The following RTL4 variants were observed in gnomAD, a reference collection of about 807,000 sequenced individuals.
RTL4 encodes retrotransposon Gag like 4.
In RTL4, 4 loss-of-function variants were observed where a neutral mutation model predicts 5.3. The observed-to-expected ratio is 0.75, with a 90% confidence interval of 0.37 to 1.72. The LOEUF (loss-of-function observed/expected upper bound fraction) is 1.72. RTL4 is among the 40% of genes most tolerant of loss of function. RTL4 has a pLI of 0.04. For missense variants in RTL4, 260 were observed against 227.1 expected, an observed-to-expected ratio of 1.14 and a Z score of -0.93; for synonymous variants, 98 against 87.3, an observed-to-expected ratio of 1.12 and a Z score of -0.68.
At chrX:112,247,755 G>T in the RTL4 span, among the ~76,000 whole-genome samples, 3 of 112,127 alleles carry the variant, frequency 2.7e-5, no homozygotes, top group Non-Finnish European at 5.6e-5. Flanking sequence ...AAACAGAGTG[G>T]ATCTGTTCCA....
At chrX:112,336,463 C>T in the RTL4 span, among the ~76,000 whole-genome samples, 4 of 111,786 alleles carry the variant, frequency 3.6e-5, no homozygotes, top group African/African-American at 1.3e-4. Context: ...TCTCACATTC[C>T]TCTTGTTTGA....
the RTL4 span, among the ~76,000 whole-genome samples, chrX:112,337,799 T>A: frequency 1.8e-5 from 2 of 111,180 alleles, no homozygotes; most frequent in African/African-American, 3.3e-5. Context: ...TTTCAGTAGA[T>A]GGCATGTCCT....
At chrX:112,378,827 G>T in the RTL4 span, among the ~76,000 whole-genome samples, 2 of 112,050 alleles carry the variant, frequency 1.8e-5, no homozygotes, top group African/African-American at 6.5e-5. Context: ...AATCCAACCT[G>T]CCAGCAATAG....
At chrX:112,435,117 C>G in the RTL4 span, among the ~76,000 whole-genome samples, 1 of 111,307 alleles carries the variant, frequency 9.0e-6, no homozygotes, top group Non-Finnish European at 1.9e-5. Context: ...TTACCTCCAC[C>G]TGGTCCCATC....
chrX:112,373,198 C>T, the RTL4 span, among the ~76,000 whole-genome samples: 1 of 111,607 alleles, frequency 9.0e-6, no homozygotes, highest in Non-Finnish European at 1.9e-5. Flanking sequence ...TGTATGTATA[C>T]ATTCAACTTT....
chrX:112,298,593 A>G, the RTL4 span, among the ~76,000 whole-genome samples: 1 of 112,461 alleles, frequency 8.9e-6, no homozygotes, highest in Admixed American at 9.4e-5. Flanking sequence ...ACTTGGGTCA[A>G]TAATTGGATA....
chrX:112,180,137 C>T, the RTL4 span, among the ~76,000 whole-genome samples: 3 of 111,146 alleles, frequency 2.7e-5, no homozygotes, highest in Non-Finnish European at 5.6e-5. Flanking sequence ...GACACAGCCC[C>T]TCTTCCACTT....
chrX:112,153,436 T>C, the RTL4 span, among the ~76,000 whole-genome samples: 3 of 112,267 alleles, frequency 2.7e-5, no homozygotes, highest in Non-Finnish European at 5.6e-5. Flanking sequence ...TCAAAGTGAA[T>C]AAATGAAAGT....
chrX:112,296,158 T>G, the RTL4 span, among the ~76,000 whole-genome samples: 1 of 110,556 alleles, frequency 9.0e-6, no homozygotes, highest in African/African-American at 3.3e-5. Context: ...TTCCTTCCTC[T>G]CTATCCAACC....
the RTL4 span, among the ~76,000 whole-genome samples, chrX:112,444,482 T>C: frequency 1.8e-5 from 2 of 112,101 alleles, no homozygotes; most frequent in Non-Finnish European, 3.8e-5. Context: ...CTATGAAGAA[T>C]GTCATTGGTA....
chrX:112,235,372 G>A, the RTL4 span, among the ~76,000 whole-genome samples: 1 of 111,726 alleles, frequency 9.0e-6, no homozygotes, highest in Non-Finnish European at 1.9e-5. Context: ...TGGTTGTGAT[G>A]TTCTGTGCTG....
the RTL4 span, among the ~76,000 whole-genome samples, chrX:112,095,535 T>TCCAATA: frequency 1.8e-5 from 2 of 111,480 alleles, no homozygotes; most frequent in Admixed American, 9.5e-5. Flanking sequence ...GATCATTGAA[T>TCCAATA]CCAATACCAA....
At chrX:112,434,201 G>T in the RTL4 span, among the ~76,000 whole-genome samples, 1 of 105,084 alleles carries the variant, frequency 9.5e-6, no homozygotes, top group Non-Finnish European at 2.0e-5. Flanking sequence ...TCTCTTTTTT[G>T]GTTGTGTCTC....
the RTL4 span, among the ~76,000 whole-genome samples, chrX:112,297,524 T>C: frequency 9.0e-6 from 1 of 111,112 alleles, no homozygotes; most frequent in Non-Finnish European, 1.9e-5. Context: ...ACTAGGGGAA[T>C]GGTGATGGTG....
chrX:112,445,396 C>T, the RTL4 span, among the ~76,000 whole-genome samples: 1 of 111,873 alleles, frequency 8.9e-6, no homozygotes, highest in Non-Finnish European at 1.9e-5. Context: ...AGTTGTTAGC[C>T]CTTTGAGGAG....
exon 1 of RTL4, chrX:112,455,396 C>A (rs779788840): frequency 8.3e-7 from 1 of 1,211,403 alleles, no homozygotes; most frequent in Admixed American, 2.2e-5. Context: ...AGTGACAGGC[C>A]AGAGCTCCTA....
chrX:112,222,136 C>A, the RTL4 span, among the ~76,000 whole-genome samples: 25 of 111,258 alleles, frequency 2.2e-4, no homozygotes, highest in African/African-American at 8.2e-4. Flanking sequence ...TATGGAGGCC[C>A]ACTAGACCCA....
At chrX:112,319,712 T>C in the RTL4 span, among the ~76,000 whole-genome samples, 1 of 111,954 alleles carries the variant, frequency 8.9e-6, no homozygotes, top group Non-Finnish European at 1.9e-5. Context: ...TTTCCTGCTC[T>C]AAGGATTTGT....
the RTL4 span, among the ~76,000 whole-genome samples, chrX:112,123,690 A>G: frequency 8.9e-6 from 1 of 112,108 alleles, no homozygotes; most frequent in Non-Finnish European, 1.9e-5. Flanking sequence ...TTTTGGTACC[A>G]GTACCATGCT....
Sources: allele counts gnomAD v4.1 joint callset (sites outside exome capture counted in the v4.1 genomes callset), GRCh38; gene constraint gnomAD v4.1.1; transcripts MANE v1.5; gene names NCBI Gene and HGNC (gene_info 2026-07-23, HGNC 2026-07-21).